Variants in SIPA1L2 observed in about 807,000 individuals in gnomAD.
SIPA1L2 encodes signal induced proliferation associated 1 like 2.
Under a neutral mutation model 163.9 loss-of-function variants are expected in SIPA1L2, and 56 were observed. That is an observed-to-expected ratio of 0.34 (90% CI 0.28 to 0.43). The LOEUF is 0.43. Ranked by LOEUF, SIPA1L2 falls within the 20% of genes least tolerant of loss-of-function variation. SIPA1L2 has a pLI of 1.00. For missense variants in SIPA1L2, 1,974 were observed against 2,193.5 expected (o/e 0.90, Z 2.00); for synonymous variants, 877 against 865.7 (o/e 1.01, Z -0.23).
rs893922738 is a variant in SIPA1L2 at position 232,398,288 on chromosome 1, T to C, written c.*839A>G. ...TGTACAAAGATAAACAAATCTGGCATTGTACAAGTGGTTCCGCTGGCTCAC... is the reference window on the plus strand; with the variant it reads ...TGTACAAAGATAAACAAATCTGGCACTGTACAAGTGGTTCCGCTGGCTCAC... On this transcript the variant is annotated 3_prime_UTR_variant, in exon 23 of 23. Transcript: ENST00000674635. 1 of 152,628 alleles carries C rather than the reference T, an allele frequency of 6.6e-6. No individual in the cohort carries two copies. The highest frequency in any genetic ancestry group is 6.5e-5 in the Admixed American group (1 of 15,280). 9.5% of individuals were successfully genotyped at this position (152,628 alleles called of 1,614,324 possible).
intron 2 of SIPA1L2, among the ~76,000 whole-genome samples, chr1:232,544,517 G>T (rs952125205): frequency 6.6e-6 from 1 of 151,062 alleles, no homozygotes; most frequent in Non-Finnish European, 1.5e-5. Context: ...CCGAGATTAC[G>T]CCACTGCACT....
intron 1 of SIPA1L2, among the ~76,000 whole-genome samples, chr1:232,576,428 C>CA (rs771756718): frequency 5.6e-4 from 86 of 152,222 alleles, no homozygotes; most frequent in Non-Finnish European, 1.2e-3. Context: ...TCATATAAAA[C>CA]AGTGTATTTA....
chr1:232,470,342 C>A (rs1664739729), intron 8 of SIPA1L2, among the ~76,000 whole-genome samples: 1 of 152,122 alleles, frequency 6.6e-6, no homozygotes, highest in Admixed American at 6.6e-5. Context: ...GAGCCATAGA[C>A]TAGGGCTATG....
intron 1 of SIPA1L2, among the ~76,000 whole-genome samples, chr1:232,613,242 G>A (rs992531835): frequency 2.6e-5 from 4 of 152,088 alleles, no homozygotes; most frequent in African/African-American, 4.8e-5. Context: ...CAGCTTATTC[G>A]TCACCTCTTC....
intron 12 of SIPA1L2, among the ~76,000 whole-genome samples, chr1:232,442,873 T>C (rs561592977): frequency 6.6e-6 from 1 of 152,208 alleles, no homozygotes; most frequent in Non-Finnish European, 1.5e-5. Flanking sequence ...AAGGAAAACA[T>C]ATAACTCAGA....
At chr1:232,468,383 G>T (rs2102939100) in intron 8 of SIPA1L2, among the ~76,000 whole-genome samples, 1 of 152,316 alleles carries the variant, frequency 6.6e-6, no homozygotes, top group South Asian at 2.1e-4. Context: ...GGACAATAAA[G>T]AAAGGTGTGA....
chr1:232,527,725 CTTTTTTTTTTTTTTTT>C, intron 2 of SIPA1L2, among the ~76,000 whole-genome samples: 1 of 80,944 alleles, frequency 1.2e-5, no homozygotes, highest in African/African-American at 5.2e-5. Flanking sequence ...TCTTCTTCTT[CTTTTTTTTTTTTTTTT>C]TTTTTTTTGA....
At chr1:232,630,332 C>T (rs574622415), upstream of SIPA1L2, among the ~76,000 whole-genome samples, 1 of 151,862 alleles carries the variant, frequency 6.6e-6, no homozygotes, top group Non-Finnish European at 1.5e-5. Context: ...CGCGCGGGAG[C>T]TGCGCGTCCA....
intron 7 of SIPA1L2, among the ~76,000 whole-genome samples, chr1:232,472,484 T>G (rs747812111): frequency 3.3e-5 from 5 of 152,200 alleles, no homozygotes; most frequent in Non-Finnish European, 7.3e-5. Context: ...AAATATACAC[T>G]TACTGACACA....
At chr1:232,624,744 C>G (rs901941368) in intron 1 of SIPA1L2, among the ~76,000 whole-genome samples, 1 of 152,126 alleles carries the variant, frequency 6.6e-6, no homozygotes, top group Non-Finnish European at 1.5e-5. Context: ...ATCTAATGGG[C>G]AGAGTTCAAG....
intron 11 of SIPA1L2, among the ~76,000 whole-genome samples, 171 bp from the exon 12 acceptor site, chr1:232,443,856 G>A (rs761841223): frequency 1.6e-4 from 25 of 152,302 alleles, no homozygotes; most frequent in South Asian, 6.2e-4. Flanking sequence ...CTAAGTATCG[G>A]TGATGCCCAG....
intron 2 of SIPA1L2, among the ~76,000 whole-genome samples, chr1:232,571,783 C>A (rs550716597): frequency 6.6e-6 from 1 of 152,272 alleles, no homozygotes; most frequent in South Asian, 2.1e-4. Context: ...CTGATTCTTC[C>A]ACTCTCACCA....
intron 6 of SIPA1L2, 26 bp from the exon 7 acceptor site, chr1:232,479,756 G>A (rs772771179): frequency 3.1e-6 from 5 of 1,588,204 alleles, no homozygotes; most frequent in Admixed American, 1.7e-5. Context: ...AATTACAGAA[G>A]CAAGGTAAGC....
intron 1 of SIPA1L2, among the ~76,000 whole-genome samples, chr1:232,624,001 A>C (rs900455543): frequency 5.9e-5 from 9 of 152,142 alleles, no homozygotes; most frequent in African/African-American, 1.9e-4. Flanking sequence ...ATTTATTTTT[A>C]ATATTAATCT....
intron 18 of SIPA1L2, among the ~76,000 whole-genome samples, chr1:232,420,497 G>C (rs1661509406): frequency 2.0e-5 from 3 of 152,006 alleles, no homozygotes; most frequent in Admixed American, 1.3e-4. Flanking sequence ...TTTAAATCCA[G>C]CTCTCCCAAG....
At chr1:232,399,928 TAACGGGATCTAACTCAA>T (rs1167494300) in intron 22 of SIPA1L2, among the ~76,000 whole-genome samples, 1 of 152,162 alleles carries the variant, frequency 6.6e-6, no homozygotes, top group African/African-American at 2.4e-5. Context: ...GGTATTTCTG[TAACGGGATCTAACTCAA>T]CCACTACAGC....
Position 232,584,388 on chromosome 1 carries a change from C to T in SIPA1L2, c.-318-10166G>A, listed in dbSNP as rs562284737. Among the ~76,000 whole-genome samples the T allele has an allele frequency of 1.9e-4, 29 of 152,308 alleles. No homozygotes were observed. In the South Asian group the frequency reaches 6.0e-3, roughly 32 times the overall value. ...TACAGGTGCATGCCACCACGCCCAG[C>T]GAATTTTTGCATTTTTAGTAGAGAC... On this transcript the variant is annotated intron_variant, in intron 1 of 22. Transcript: ENST00000674635.
chr1:232,557,421 T>C (rs1462148646), intron 2 of SIPA1L2, among the ~76,000 whole-genome samples: 1 of 152,218 alleles, frequency 6.6e-6, no homozygotes, highest in Admixed American at 6.5e-5. Flanking sequence ...AAAAACTCCT[T>C]GTGTGTTTCT....
At chr1:232,484,453 A>C (rs1402182763) in intron 5 of SIPA1L2, among the ~76,000 whole-genome samples, 1 of 152,226 alleles carries the variant, frequency 6.6e-6, no homozygotes, top group Non-Finnish European at 1.5e-5. Context: ...GGAAAAAACA[A>C]ATCAAATTAA....
Sources: allele counts gnomAD v4.1 joint callset (sites outside exome capture counted in the v4.1 genomes callset), GRCh38; gene constraint gnomAD v4.1.1; transcripts MANE v1.5; gene names NCBI Gene and HGNC (gene_info 2026-07-23, HGNC 2026-07-21).